The following ABCB4 variants were observed in gnomAD, a reference collection of about 807,000 sequenced individuals.
The protein encoded by ABCB4 is phosphatidylcholine translocator ABCB4.
Under a neutral mutation model 145.7 loss-of-function variants are expected in ABCB4, and 76 were observed. That is an observed-to-expected ratio of 0.52 (90% CI 0.43 to 0.63). The LOEUF is 0.63. Ranked by LOEUF, ABCB4 falls within the 30% of genes least tolerant of loss-of-function variation. The pLI is 0.00. For missense variants in ABCB4, 1,234 were observed against 1,553.1 expected, an observed-to-expected ratio of 0.79 and a Z score of 3.45; for synonymous variants, 517 against 566.8, an observed-to-expected ratio of 0.91 and a Z score of 1.25.
At chr7:87,414,538 G>T (rs1808839010) in intron 21 of ABCB4, among the ~76,000 whole-genome samples, 1 of 152,160 alleles carries the variant, frequency 6.6e-6, no homozygotes, top group South Asian at 2.1e-4. Context: ...GATTCTTACA[G>T]CCAAACCACC....
chr7:87,445,332 A>G lies in ABCB4; in HGVS notation c.1006-357T>C, dbSNP rs535854877. 2.0e-5 allele frequency among the ~76,000 whole-genome samples: 3 copies of G among 152,338 alleles called. No individual in the cohort carries two copies. In the South Asian group the frequency reaches 6.2e-4, roughly 32 times the overall value. On this transcript the variant is annotated intron_variant, in intron 9 of 27. Coordinates refer to ENST00000649586, the MANE Select transcript of ABCB4 (RefSeq NM_000443.4). Reference sequence around the variant, plus strand: ...TGCATGGAATTACATAGACGGTTCAATATAAAACATGGCAGATTTTGGCCC... The same window carrying G: ...TGCATGGAATTACATAGACGGTTCAGTATAAAACATGGCAGATTTTGGCCC...
At chr7:87,396,471 C>G in the ABCB4 span, among the ~76,000 whole-genome samples, 1 of 152,236 alleles carries the variant, frequency 6.6e-6, no homozygotes, top group Non-Finnish European at 1.5e-5. Flanking sequence ...ATGACATGCA[C>G]TGGACCCTTC....
At chr7:87,433,681 T>G (rs538783160) in intron 14 of ABCB4, among the ~76,000 whole-genome samples, 36 of 150,022 alleles carry the variant, frequency 2.4e-4, no homozygotes, top group African/African-American at 7.3e-4. Flanking sequence ...TGTTGTTTTT[T>G]TTTTTTTTTT....
intron 15 of ABCB4, among the ~76,000 whole-genome samples, chr7:87,429,146 G>A (rs775340013): frequency 5.8e-4 from 89 of 152,160 alleles, no homozygotes; most frequent in Non-Finnish European, 9.6e-4. Context: ...GGCTCACAGT[G>A]GGTCTTTCCC....
intron 14 of ABCB4, among the ~76,000 whole-genome samples, chr7:87,434,516 G>A (rs1047034583): frequency 2.0e-5 from 3 of 152,022 alleles, no homozygotes; most frequent in African/African-American, 4.8e-5. Context: ...TTGGGAGGCC[G>A]AGGCAGGCGA....
At chr7:87,460,517 A>G (rs985252013) in intron 4 of ABCB4, among the ~76,000 whole-genome samples, 7 of 151,914 alleles carry the variant, frequency 4.6e-5, no homozygotes, top group African/African-American at 1.5e-4. Flanking sequence ...CTTAGCTCCC[A>G]CTTATAAGTG....
At chr7:87,415,046 C>A (rs1442378249) in intron 21 of ABCB4, among the ~76,000 whole-genome samples, 1 of 152,176 alleles carries the variant, frequency 6.6e-6, no homozygotes, top group Non-Finnish European at 1.5e-5. Flanking sequence ...TTCTGCTACC[C>A]CTGCTGTGTA....
intron 3 of ABCB4, among the ~76,000 whole-genome samples, chr7:87,463,754 A>G (rs1240886377): frequency 6.6e-6 from 1 of 152,198 alleles, no homozygotes; most frequent in Non-Finnish European, 1.5e-5. Flanking sequence ...AATCTTGGAC[A>G]CAGTACTACC....
At chr7:87,375,687 G>A in the ABCB4 span, 32 of 1,613,458 alleles carry the variant, frequency 2.0e-5, no homozygotes, top group Non-Finnish European at 2.6e-5. Flanking sequence ...ACCTGGGATT[G>A]CAGCATTAAC....
chr7:87,366,138 G>A, the ABCB4 span, among the ~76,000 whole-genome samples: 8 of 152,054 alleles, frequency 5.3e-5, no homozygotes, highest in Admixed American at 3.3e-4. Flanking sequence ...TGGAGCTCAC[G>A]ATCAGCAAAA....
chr7:87,458,374 C>A, intron 4 of ABCB4, among the ~76,000 whole-genome samples: 1 of 152,206 alleles, frequency 6.6e-6, no homozygotes, highest in East Asian at 1.9e-4. Context: ...CAAGGACGAG[C>A]TTTGCTCACA....
rs200679869 is a variant in ABCB4, at chr7:87,460,620, T to TTTTATTTA, written c.286+2137_286+2138insTAAATAAA. ...CCATGTTGCTGGAAAGGACACAATT[T>TTTTATTTA]TGTATTTATTTATTTATTTATTTAT... On this transcript the variant is annotated intron_variant, in intron 4 of 27. Transcript: ENST00000649586. Among the ~76,000 whole-genome samples, 200 of 146,438 alleles carry TTTTATTTA rather than the reference T, an allele frequency of 1.4e-3. 1 individual carries two copies. The highest frequency in any genetic ancestry group is 9.6e-3 in the South Asian group (45 of 4,670).
chr7:87,432,866 G>A, intron 14 of ABCB4, among the ~76,000 whole-genome samples: 1 of 152,120 alleles, frequency 6.6e-6, no homozygotes, highest in South Asian at 2.1e-4. Context: ...TATGGCATGT[G>A]TTTGTATCTC....
chr7:87,420,847 T>A (rs944276321), intron 18 of ABCB4, among the ~76,000 whole-genome samples: 2 of 152,198 alleles, frequency 1.3e-5, no homozygotes, highest in African/African-American at 4.8e-5. Flanking sequence ...GGACAACATC[T>A]CAGTGACAAA....
At chr7:87,443,497 G>T (rs1811125656) in intron 11 of ABCB4, 53 bp from the exon 12 acceptor site, 1 of 1,610,946 alleles carries the variant, frequency 6.2e-7, no homozygotes, top group East Asian at 2.2e-5. Flanking sequence ...CCCTAAAATG[G>T]GAATAATTCG....
intron 18 of ABCB4, among the ~76,000 whole-genome samples, chr7:87,421,727 T>G (rs1809451953): frequency 6.6e-6 from 1 of 152,254 alleles, no homozygotes; most frequent in Non-Finnish European, 1.5e-5. Context: ...AAATATTATG[T>G]TCTTTCAAAT....
intron 8 of ABCB4, 37 bp from the exon 9 acceptor site, chr7:87,447,242 G>A: frequency 2.5e-6 from 4 of 1,593,300 alleles, no homozygotes; most frequent in Non-Finnish European, 3.4e-6. Flanking sequence ...TTATAATTAA[G>A]AATAACAATC....
In ABCB4 at chr7:87,401,819, A is replaced by G. The variant is rs1410473833; in HGVS notation, c.*277T>C. ...CTATGTCTGTGGCTTCTATATTTCT[A>G]CACCTGTACTTACCTTGAATTTTGT... On this transcript the variant is annotated 3_prime_UTR_variant, in exon 28 of 28. Transcript: ENST00000649586. 1.8e-6 allele frequency: 1 copy of G among 552,530 alleles called. No homozygotes were observed. Among genetic ancestry groups the G allele is most frequent in the Non-Finnish European group, 3.4e-6 (1 of 298,482 alleles). 34.2% of individuals were successfully genotyped at this position (552,530 alleles called of 1,614,324 possible).
At chr7:87,417,961 A>G (rs1809104701) in intron 20 of ABCB4, among the ~76,000 whole-genome samples, 1 of 152,252 alleles carries the variant, frequency 6.6e-6, no homozygotes, top group Non-Finnish European at 1.5e-5. Context: ...TATAAGGATG[A>G]ATTAGTGTTG....
Sources: allele counts gnomAD v4.1 joint callset (sites outside exome capture counted in the v4.1 genomes callset), GRCh38; gene constraint gnomAD v4.1.1; transcripts MANE v1.5; gene names NCBI Gene and HGNC (gene_info 2026-07-23, HGNC 2026-07-21).